IFT43: variants seen among roughly 807,000 people sequenced by gnomAD.
The protein encoded by IFT43 is intraflagellar transport protein 43 homolog.
Under a neutral mutation model 32.3 loss-of-function variants are expected in IFT43, and 33 were observed. The ratio of observed to expected loss-of-function variants is 1.02; its 90% confidence interval spans 0.77 to 1.37. The LOEUF (loss-of-function observed/expected upper bound fraction) is 1.37. Ranked by LOEUF, IFT43 falls within the 40% of genes most tolerant of loss-of-function variation. The probability of loss-of-function intolerance (pLI) is 0.00; values close to 1 mark genes in which losing one functional copy is unlikely to be tolerated. For synonymous variants in IFT43, 93 were observed against 98.2 expected, an observed-to-expected ratio of 0.95 and a Z score of 0.31; for missense variants, 274 against 265.9, an observed-to-expected ratio of 1.03 and a Z score of -0.21.
intron 3 of IFT43, among the ~76,000 whole-genome samples, chr14:76,029,722 C>T (rs2036470057): frequency 6.6e-6 from 1 of 152,020 alleles, no homozygotes; most frequent in African/African-American, 2.4e-5. Flanking sequence ...ATAGGATGTC[C>T]TTTCCCTGTT....
rs1375908580 is a variant in IFT43 at position 75,985,790 on chromosome 14, G to A, written c.4G>A (p.Glu2Lys). MEDLLDLDEELR... is the reference protein window; with the variant it reads MKDLLDLDEELR... ...GTGACGTCAGGCGGCCGCGGAGATG[G>A]AGGATTTGCTCGACTTGGACGAGGA... Residue 2 changes from glutamate (E) to lysine (K), a missense_variant, in exon 1 of 9, where the codon GAG becomes AAG. Transcript: ENST00000314067. 4 of 1,614,098 alleles carry A rather than the reference G, an allele frequency of 2.5e-6. No homozygotes were observed. Among genetic ancestry groups the A allele is most frequent in the South Asian group, 1.1e-5 (1 of 91,088 alleles).
At chr14:76,043,238 A>C (rs567807739) in intron 3 of IFT43, among the ~76,000 whole-genome samples, 1 of 152,368 alleles carries the variant, frequency 6.6e-6, no homozygotes, top group Admixed American at 6.5e-5. Context: ...GAAGCAAAAC[A>C]GTTGACAAGC....
chr14:76,070,570 G>A (rs1397972771), intron 5 of IFT43, among the ~76,000 whole-genome samples: 3 of 152,056 alleles, frequency 2.0e-5, no homozygotes, highest in Non-Finnish European at 4.4e-5. Flanking sequence ...AACAATGATC[G>A]TAACTACTTG....
intron 3 of IFT43, among the ~76,000 whole-genome samples, chr14:76,030,484 C>G (rs2036489899): frequency 6.6e-6 from 1 of 152,212 alleles, no homozygotes; most frequent in Non-Finnish European, 1.5e-5. Flanking sequence ...TCTATATACA[C>G]ACTGCCCATT....
At chr14:76,063,757 G>A (rs1361237311) in intron 5 of IFT43, among the ~76,000 whole-genome samples, 1 of 152,188 alleles carries the variant, frequency 6.6e-6, no homozygotes. Flanking sequence ...TGCACAAAGA[G>A]AATTCAGTCT....
chr14:76,009,854 A>G (rs1156986186), intron 2 of IFT43, among the ~76,000 whole-genome samples: 1 of 151,348 alleles, frequency 6.6e-6, no homozygotes. Flanking sequence ...GAGTGCAGTG[A>G]TGCAATCTCA....
At chr14:75,999,259 A>AATATTCATTTATATATAAATTCATTT (rs1566699461) in intron 2 of IFT43, among the ~76,000 whole-genome samples, 1 of 21,576 alleles carries the variant, frequency 4.6e-5, no homozygotes, top group Admixed American at 5.9e-4. Context: ...ATATATATAT[A>AATATTCATTTATATATAAATTCATTT]TATATATATA....
At chr14:76,075,197 C>T (rs1209825050) in intron 5 of IFT43, among the ~76,000 whole-genome samples, 3 of 152,218 alleles carry the variant, frequency 2.0e-5, no homozygotes, top group African/African-American at 7.2e-5. Context: ...ACACCTTTTG[C>T]AGCATGGCTC....
chr14:75,992,846 A>T (rs1466146571), intron 2 of IFT43, among the ~76,000 whole-genome samples: 3 of 152,226 alleles, frequency 2.0e-5, no homozygotes, highest in Middle Eastern at 3.4e-3. Context: ...CAACCTGGAG[A>T]AAAGTTTTTT....
intron 5 of IFT43, among the ~76,000 whole-genome samples, chr14:76,080,876 C>G (rs1296574423): frequency 2.6e-5 from 4 of 152,234 alleles, no homozygotes; most frequent in African/African-American, 9.6e-5. Context: ...CAGCTTCTTT[C>G]TAGCTATAAG....
intron 5 of IFT43, among the ~76,000 whole-genome samples, chr14:76,073,137 A>G (rs759220736): frequency 1.3e-5 from 2 of 152,070 alleles, no homozygotes; most frequent in Non-Finnish European, 1.5e-5. Context: ...TGTTCTCTGC[A>G]ATGGAAAAAG....
chr14:76,065,911 G>A (rs1328113369), intron 5 of IFT43, among the ~76,000 whole-genome samples: 1 of 152,176 alleles, frequency 6.6e-6, no homozygotes, highest in Non-Finnish European at 1.5e-5. Context: ...ATGCCACTGT[G>A]CCCAGCTCAT....
chr14:76,052,039 G>C (rs2036923420), intron 3 of IFT43, among the ~76,000 whole-genome samples: 1 of 152,198 alleles, frequency 6.6e-6, no homozygotes, highest in Non-Finnish European at 1.5e-5. Context: ...CCAGGTGCTT[G>C]GCACTTTCGT....
chr14:76,027,319 C>A (rs2036417141), intron 3 of IFT43, among the ~76,000 whole-genome samples: 1 of 125,248 alleles, frequency 8.0e-6, no homozygotes, highest in African/African-American at 3.0e-5. Context: ...TTTTCTCCCT[C>A]CCCCTTCCCC....
chr14:76,024,037 G>T (rs2036343848), intron 3 of IFT43, among the ~76,000 whole-genome samples: 1 of 152,110 alleles, frequency 6.6e-6, no homozygotes, highest in Admixed American at 6.5e-5. Context: ...AAAACTACGG[G>T]TTCAGGCTGC....
chr14:76,079,278 G>C (rs1023531257), intron 5 of IFT43, among the ~76,000 whole-genome samples: 2 of 152,210 alleles, frequency 1.3e-5, no homozygotes, highest in Admixed American at 6.5e-5. Flanking sequence ...TCACTGGGCA[G>C]GAGAAAATGA....
chr14:76,059,110 C>T, intron 4 of IFT43: 1 of 1,467,134 alleles, frequency 6.8e-7, no homozygotes, highest in Non-Finnish European at 9.0e-7. Flanking sequence ...GTCATAGCCT[C>T]TGTGATGCTG....
chr14:76,076,712 C>A lies in IFT43; in HGVS notation c.296-5583C>A, dbSNP rs148181453. On this transcript the variant is annotated intron_variant, in intron 5 of 8. Coordinates refer to ENST00000314067, the MANE Select transcript of IFT43 (RefSeq NM_001102564.3). ...GGCAGGTAGGCTTTTGACTGTCAGT[C>A]TACGGGAACTGAAAAGGATCCTTCT... 2.4e-4 allele frequency: 390 copies of A among 1,613,802 alleles called. 2 individuals carry two copies. The African/African-American group carries it at 4.9e-3, about 20-fold the overall frequency.
At position 76,062,289 on chromosome 14, in the gene IFT43, C is replaced by T. The variant is rs565540939; in HGVS notation, c.295+2916C>T. Among the ~76,000 whole-genome samples, 40 of 152,090 alleles carry T rather than the reference C, an allele frequency of 2.6e-4. No individual in the cohort carries two copies. The East Asian group carries it at 6.5e-3, about 25-fold the overall frequency. ...GTTTCACCATGTTAGCCAGGATGGT[C>T]TCGATCTCCTGACTTCGTGATCCGC... On this transcript the variant is annotated intron_variant, in intron 5 of 8. Coordinates refer to ENST00000314067, the MANE Select transcript of IFT43 (RefSeq NM_001102564.3).
Sources: gnomAD v4.1 joint callset for allele counts (sites outside exome capture counted in the v4.1 genomes callset) on GRCh38, gnomAD v4.1.1 for gene constraint, MANE v1.5 for transcripts, NCBI Gene and HGNC (gene_info 2026-07-23, HGNC 2026-07-21) for gene names.